The following FAM185A variants were observed in gnomAD, a reference collection of about 807,000 sequenced individuals.
FAM185A encodes family with sequence similarity 185 member A.
In FAM185A, 21 loss-of-function variants were observed where a neutral mutation model predicts 45.7. That is an observed-to-expected ratio of 0.46 (90% CI 0.33 to 0.66). The LOEUF is 0.66. Among genes scored for constraint, FAM185A ranks in the 30% least tolerant of loss-of-function variants. The pLI is 0.03. For missense variants in FAM185A, 305 were observed against 485.4 expected, an observed-to-expected ratio of 0.63 and a Z score of 3.49; for synonymous variants, 117 against 194.0, an observed-to-expected ratio of 0.60 and a Z score of 3.30.
In FAM185A at chr7:102,808,436, A is replaced by G; in HGVS notation, c.*34A>G. 1 of 1,254,046 alleles carries G rather than the reference A, an allele frequency of 8.0e-7. No homozygotes were observed. Among genetic ancestry groups the G allele is most frequent in the Non-Finnish European group, 1.1e-6 (1 of 876,818 alleles). 77.7% of individuals were successfully genotyped at this position (1,254,046 alleles called of 1,614,324 possible). A position where few individuals can be genotyped will look rare whatever the true frequency, so the allele number is the denominator to read the frequency against. On this transcript the variant is annotated 3_prime_UTR_variant, in exon 8 of 8. Coordinates refer to ENST00000413034, the MANE Select transcript of FAM185A (RefSeq NM_001145268.2). Reference sequence around the variant, plus strand: ...TGAGTTGGATTTATGATTTTTAACAATGATTCGCAGATCTGTGACTACAAA... The same window carrying G: ...TGAGTTGGATTTATGATTTTTAACAGTGATTCGCAGATCTGTGACTACAAA...
At chr7:102,801,947 G>A (rs758126150) in intron 7 of FAM185A, among the ~76,000 whole-genome samples, 9 of 151,404 alleles carry the variant, frequency 5.9e-5, no homozygotes, top group Non-Finnish European at 1.2e-4. Flanking sequence ...TACAAAGAAG[G>A]ACATTATATA....
At chr7:102,783,830 G>C (rs547801299) in intron 6 of FAM185A, among the ~76,000 whole-genome samples, 4 of 151,902 alleles carry the variant, frequency 2.6e-5, no homozygotes, top group African/African-American at 9.7e-5. Context: ...AAATAACTAA[G>C]ATCAGAGCAG....
intron 3 of FAM185A, 78 bp from the exon 4 acceptor site, chr7:102,761,195 C>T (rs2129433962): frequency 7.4e-7 from 1 of 1,346,460 alleles, no homozygotes; most frequent in East Asian, 2.7e-5. Flanking sequence ...TGTAGTTATC[C>T]ACTGATTCCA....
intron 1 of FAM185A, among the ~76,000 whole-genome samples, chr7:102,750,525 G>A (rs1275780874): frequency 6.6e-6 from 1 of 152,114 alleles, no homozygotes; most frequent in Non-Finnish European, 1.5e-5. Context: ...ACAGATCACA[G>A]TAATATAACT....
rs368085101 is a variant in FAM185A, at chr7:102,772,446, A to G, written c.831A>G (p.Thr277=). The G allele has an allele frequency of 1.8e-4, 285 of 1,545,280 alleles. 1 individual carries two copies. In the African/African-American group the frequency reaches 3.5e-3, roughly 19 times the overall value. The part of the protein sequence containing the change: ...ITLQSKMGNI[T]VDSSSGCLKA... ...TACAAAGCAAGATGGGTAACATCACAGTAGGTATGTGCTAAGCTACTAGTT... is the reference window on the plus strand; with the variant it reads ...TACAAAGCAAGATGGGTAACATCACGGTAGGTATGTGCTAAGCTACTAGTT... The change falls in exon 5 of 8, where the codon ACA becomes ACG. Residue 277 remains threonine, a synonymous_variant. Transcript: ENST00000413034.
At chr7:102,826,732 T>TC in the FAM185A span, among the ~76,000 whole-genome samples, 8 of 40,392 alleles carry the variant, frequency 2.0e-4, no homozygotes, top group African/African-American at 1.0e-3. Context: ...CTCATATATA[T>TC]ATATATATAT....
chr7:102,822,409 T>C, the FAM185A span: 1 of 677,478 alleles, frequency 1.5e-6, no homozygotes, highest in Non-Finnish European at 2.7e-6. Context: ...GGGAAGTCCC[T>C]CCTTATTTGC....
intron 4 of FAM185A, among the ~76,000 whole-genome samples, chr7:102,769,063 C>T (rs1235649790): frequency 1.3e-5 from 2 of 152,004 alleles, no homozygotes; most frequent in Non-Finnish European, 2.9e-5. Context: ...TAGAATATTT[C>T]TGTTTAAGGT....
Position 102,749,411 on chromosome 7 carries a change from A to T in FAM185A, c.204A>T (p.Thr68=), listed in dbSNP as rs575453914. Residue 68 remains threonine (T), a synonymous_variant, in exon 1 of 8, where the codon ACA becomes ACT. Transcript: ENST00000413034. ...GPGRRTLKEW[T]LQVSPFGRLR... ...GGCGCCGAACTCTGAAGGAGTGGACACTGCAGGTGAGCCCGTTTGGTCGGC... is the reference window on the plus strand; with the variant it reads ...GGCGCCGAACTCTGAAGGAGTGGACTCTGCAGGTGAGCCCGTTTGGTCGGC... 1.3e-5 allele frequency: 20 copies of T among 1,548,416 alleles called. 3 individuals carry two copies. In the African/African-American group the frequency reaches 2.5e-4, roughly 19 times the overall value.
At chr7:102,795,909 C>T (rs1203471692) in intron 7 of FAM185A, among the ~76,000 whole-genome samples, 1 of 152,218 alleles carries the variant, frequency 6.6e-6, no homozygotes, top group Non-Finnish European at 1.5e-5. Flanking sequence ...ATATCCAGCA[C>T]CCAACAAAGT....
At chr7:102,838,043 A>C in the FAM185A span, among the ~76,000 whole-genome samples, 5 of 152,222 alleles carry the variant, frequency 3.3e-5, no homozygotes, top group Middle Eastern at 3.2e-3. Context: ...ATGAGCTTCC[A>C]TATATGGCCC....
chr7:102,838,491 C>T, the FAM185A span, among the ~76,000 whole-genome samples: 7 of 151,672 alleles, frequency 4.6e-5, no homozygotes, highest in African/African-American at 1.7e-4. Context: ...CACTCTGTCA[C>T]CCAGGCTGGA....
chr7:102,752,737 T>G (rs1793447450), intron 2 of FAM185A, among the ~76,000 whole-genome samples: 2 of 147,936 alleles, frequency 1.4e-5, no homozygotes, highest in Admixed American at 6.8e-5. Flanking sequence ...ATATTTAATT[T>G]TTTAAAGATT....
At chr7:102,757,022 A>T (rs1219690072) in intron 2 of FAM185A, among the ~76,000 whole-genome samples, 1 of 149,684 alleles carries the variant, frequency 6.7e-6, no homozygotes, top group Non-Finnish European at 1.5e-5. Context: ...ATGGATTTTG[A>T]TGAGCCAATA....
At chr7:102,826,318 T>C in the FAM185A span, among the ~76,000 whole-genome samples, 3 of 152,250 alleles carry the variant, frequency 2.0e-5, no homozygotes, top group East Asian at 3.9e-4. Flanking sequence ...TATTAACTAA[T>C]GAAAATCTAA....
intron 6 of FAM185A, among the ~76,000 whole-genome samples, chr7:102,784,410 T>A (rs1235143076): frequency 6.6e-6 from 1 of 152,148 alleles, no homozygotes; most frequent in Non-Finnish European, 1.5e-5. Flanking sequence ...ATATTCCTGA[T>A]GAACATCGAT....
At chr7:102,786,273 C>T (rs867885323) in intron 6 of FAM185A, among the ~76,000 whole-genome samples, 3 of 152,308 alleles carry the variant, frequency 2.0e-5, no homozygotes, top group Non-Finnish European at 2.9e-5. Context: ...GTCAGTGTAG[C>T]GATTCCTCAG....
At chr7:102,845,269 A>C in the FAM185A span, among the ~76,000 whole-genome samples, 1 of 152,180 alleles carries the variant, frequency 6.6e-6, no homozygotes, top group East Asian at 1.9e-4. Flanking sequence ...AACAGAAGAT[A>C]CACCCAGGAA....
the FAM185A span, among the ~76,000 whole-genome samples, chr7:102,820,131 C>T: frequency 2.6e-5 from 4 of 152,212 alleles, no homozygotes; most frequent in Non-Finnish European, 5.9e-5. Flanking sequence ...CATTGCTAGA[C>T]AAAGATGGAA....
Sources: gnomAD v4.1 joint callset for allele counts (sites outside exome capture counted in the v4.1 genomes callset) on GRCh38, gnomAD v4.1.1 for gene constraint, MANE v1.5 for transcripts, NCBI Gene and HGNC (gene_info 2026-07-23, HGNC 2026-07-21) for gene names.